TSHR: variants seen among roughly 807,000 people sequenced by gnomAD.
The protein encoded by TSHR is thyrotropin receptor.
Under a neutral mutation model 64.1 loss-of-function variants are expected in TSHR, and 51 were observed. The observed-to-expected ratio is 0.80, with a 90% CI of 0.64 to 1.01. The LOEUF is 1.01. Among genes scored for constraint, TSHR ranks in the 50% least tolerant of loss-of-function variants. The pLI, the probability that TSHR is intolerant of heterozygous loss-of-function variation, is 0.00. For synonymous variants in TSHR, 361 were observed against 361.9 expected, an observed-to-expected ratio of 1.00 and a Z score of 0.03; for missense variants, 877 against 942.8, an observed-to-expected ratio of 0.93 and a Z score of 0.91.
chr14:80,962,644 C>G (rs1002909683), intron 1 of TSHR, among the ~76,000 whole-genome samples: 1 of 152,150 alleles, frequency 6.6e-6, no homozygotes, highest in African/African-American at 2.4e-5. Context: ...TAATGAAGAA[C>G]CTGGTAAGAT....
chr14:81,091,045 T>C (rs1274724915), intron 4 of TSHR, 24 bp from the exon 5 acceptor site: 1 of 1,593,656 alleles, frequency 6.3e-7, no homozygotes, highest in South Asian at 1.1e-5. Flanking sequence ...TATGCTTTTT[T>C]TTCTCTTTTT....
chr14:81,108,436 A>G lies in TSHR; in HGVS notation c.676A>G (p.Ser226Gly). 3 of 1,613,720 alleles carry G rather than the reference A, an allele frequency of 1.9e-6. No individual in the cohort carries two copies. Among genetic ancestry groups the G allele is most frequent in the Non-Finnish European group, 2.5e-6 (3 of 1,179,914 alleles). ...IDKDAFGGVY[S>G]GPSLLDVSQT... ...CAAAGATGCATTTGGAGGAGTATACAGTGGACCAAGCTTGCTGTGAGTAAG... is the reference window on the plus strand; with the variant it reads ...CAAAGATGCATTTGGAGGAGTATACGGTGGACCAAGCTTGCTGTGAGTAAG... The change falls in exon 8 of 10, where the codon AGT becomes GGT. Residue 226 changes from serine to glycine, a missense_variant. Physicochemically the swap from Ser to Gly is moderately conservative, Grantham distance 56. Transcript: ENST00000298171.
At chr14:80,990,593 T>C (rs1888677184) in intron 1 of TSHR, among the ~76,000 whole-genome samples, 1 of 152,256 alleles carries the variant, frequency 6.6e-6, no homozygotes, top group African/African-American at 2.4e-5. Flanking sequence ...TTTTGGTTTT[T>C]GAAATCCATT....
intron 1 of TSHR, among the ~76,000 whole-genome samples, chr14:81,055,247 G>A (rs1413962817): frequency 2.0e-5 from 3 of 152,228 alleles, no homozygotes; most frequent in Admixed American, 1.3e-4. Context: ...AAGAATTGAG[G>A]TTTGGGAACC....
At chr14:81,114,219 C>G (rs567984414) in intron 8 of TSHR, among the ~76,000 whole-genome samples, 1 of 151,812 alleles carries the variant, frequency 6.6e-6, no homozygotes, top group African/African-American at 2.4e-5. Context: ...CAGCTCCCAG[C>G]GTCAGCGACG....
chr14:81,074,038 CAA>C lies in TSHR; in HGVS notation c.317+5712_317+5713del, dbSNP rs373311335. On this transcript the variant is annotated intron_variant, in intron 3 of 9. Transcript: ENST00000298171. ...GTTTGTATTATGATCTTTTTCCTCA[CAA>C]AGATTCCAGTTGTTATTTATAAGTT... 1.8e-3 allele frequency among the ~76,000 whole-genome samples: 268 copies of C among 152,182 alleles called. 1 individual carries two copies. Among genetic ancestry groups the C allele is most frequent in the Middle Eastern group, 0.014 (4 of 294 alleles).
intron 8 of TSHR, among the ~76,000 whole-genome samples, chr14:81,114,219 C>T (rs567984414): frequency 6.6e-6 from 1 of 151,888 alleles, no homozygotes; most frequent in Non-Finnish European, 1.5e-5. Flanking sequence ...CAGCTCCCAG[C>T]GTCAGCGACG....
chr14:81,010,932 A>T (rs1889867359), intron 1 of TSHR, among the ~76,000 whole-genome samples: 1 of 151,496 alleles, frequency 6.6e-6, no homozygotes, highest in South Asian at 2.1e-4. Context: ...GAACTCCATT[A>T]CGGACATCAC....
chr14:81,135,237 A>C (rs1891407379), intron 8 of TSHR, among the ~76,000 whole-genome samples: 1 of 152,214 alleles, frequency 6.6e-6, no homozygotes, highest in Non-Finnish European at 1.5e-5. Flanking sequence ...AAAAGATGAC[A>C]CAAGATTCAG....
rs111956022 is a variant in TSHR at position 81,030,644 on chromosome 14, C to T, written c.171-31504C>T. Among the ~76,000 whole-genome samples the T allele has an allele frequency of 5.6e-3, 855 of 152,184 alleles. 10 individuals carry two copies. The highest frequency in any genetic ancestry group is 0.031 in the Middle Eastern group (9 of 294). ...TTCTAGATCGGATAGACTTTACTGACGAGTGTTTTTGATAATGCTGAATGG... is the reference window on the plus strand; with the variant it reads ...TTCTAGATCGGATAGACTTTACTGATGAGTGTTTTTGATAATGCTGAATGG... On this transcript the variant is annotated intron_variant, in intron 1 of 9. Coordinates refer to ENST00000298171, the MANE Select transcript of TSHR (RefSeq NM_000369.5).
chr14:80,959,241 G>A (rs1886885935), intron 1 of TSHR, among the ~76,000 whole-genome samples: 1 of 152,038 alleles, frequency 6.6e-6, no homozygotes. Context: ...CCCACTGCCA[G>A]TGGAACATTC....
intron 1 of TSHR, among the ~76,000 whole-genome samples, chr14:80,965,580 A>G (rs2139693591): frequency 6.6e-6 from 1 of 152,254 alleles, no homozygotes; most frequent in East Asian, 1.9e-4. Flanking sequence ...TTCCATTTTT[A>G]CTGAAGCTGG....
intron 1 of TSHR, among the ~76,000 whole-genome samples, chr14:80,988,626 T>C (rs1371375799): frequency 1.3e-5 from 2 of 152,188 alleles, no homozygotes; most frequent in African/African-American, 4.8e-5. Flanking sequence ...AACAGTTTCT[T>C]AAGGATCCAT....
intron 1 of TSHR, among the ~76,000 whole-genome samples, chr14:81,045,179 T>C (rs1173728950): frequency 1.3e-5 from 2 of 152,154 alleles, no homozygotes; most frequent in Non-Finnish European, 2.9e-5. Context: ...TTCTCACTTA[T>C]AAGTAGGAGC....
intron 1 of TSHR, among the ~76,000 whole-genome samples, chr14:80,996,554 C>G (rs1594932401): frequency 6.6e-6 from 1 of 151,516 alleles, no homozygotes; most frequent in Non-Finnish European, 1.5e-5. Flanking sequence ...AGTCTAGTTA[C>G]TAAGTGGACG....
At chr14:81,127,871 T>C (rs1178665229) in intron 8 of TSHR, among the ~76,000 whole-genome samples, 1 of 152,174 alleles carries the variant, frequency 6.6e-6, no homozygotes, top group Admixed American at 6.5e-5. Context: ...TTAAACCTTT[T>C]TCTTTATAAA....
rs903841315 is a variant in TSHR at position 81,008,273 on chromosome 14, C to T, written c.170+52423C>T. On this transcript the variant is annotated intron_variant, in intron 1 of 9. Coordinates refer to ENST00000298171, the MANE Select transcript of TSHR (RefSeq NM_000369.5). ...CTGCAAGCTCCGCTTCCCGGGTTCA[C>T]GCCATTCTTCTGCCTCAGCCTCCCA... Among the ~76,000 whole-genome samples, 11 of 151,752 alleles carry T rather than the reference C, an allele frequency of 7.2e-5. No individual in the cohort carries two copies. The South Asian group carries it at 8.3e-4, about 11-fold the overall frequency.
At chr14:81,122,614 A>C (rs55993259) in intron 8 of TSHR, among the ~76,000 whole-genome samples, 46,516 of 151,846 alleles carry the variant, frequency 0.31, 8,016 homozygotes, top group East Asian at 0.53. Flanking sequence ...AGGGATGATA[A>C]AAGAAAGCCA....
At chr14:81,047,611 G>A (rs563080632) in intron 1 of TSHR, among the ~76,000 whole-genome samples, 1 of 151,724 alleles carries the variant, frequency 6.6e-6, no homozygotes, top group Non-Finnish European at 1.5e-5. Flanking sequence ...CATTTGTTAA[G>A]GACAGCTCCT....
Sources: gnomAD v4.1 joint callset for allele counts (sites outside exome capture counted in the v4.1 genomes callset) on GRCh38, gnomAD v4.1.1 for gene constraint, MANE v1.5 for transcripts, NCBI Gene and HGNC (gene_info 2026-07-23, HGNC 2026-07-21) for gene names.